The following PRDM16 variants were observed in gnomAD, a reference collection of about 807,000 sequenced individuals.
PRDM16 encodes histone-lysine N-methyltransferase PRDM16.
Under a neutral mutation model 110.6 loss-of-function variants are expected in PRDM16, and 23 were observed. The observed-to-expected ratio is 0.21, with a 90% CI of 0.15 to 0.29. PRDM16 has a LOEUF of 0.29. Ranked by LOEUF, PRDM16 falls within the 10% of genes least tolerant of loss-of-function variation. The probability of loss-of-function intolerance (pLI) is 1.00; values close to 1 mark genes in which losing one functional copy is unlikely to be tolerated. For missense variants in PRDM16, 1,615 were observed against 1,794.3 expected, an observed-to-expected ratio of 0.90 and a Z score of 1.81; for synonymous variants, 799 against 781.8, an observed-to-expected ratio of 1.02 and a Z score of -0.37.
chr1:3,136,424 G>C (rs892438172), intron 1 of PRDM16, among the ~76,000 whole-genome samples: 2 of 152,194 alleles, frequency 1.3e-5, no homozygotes, highest in Non-Finnish European at 2.9e-5. Flanking sequence ...GGCTGAGCTG[G>C]GGCTGGGACC....
intron 1 of PRDM16, among the ~76,000 whole-genome samples, chr1:3,073,760 G>C (rs899640313): frequency 6.6e-6 from 1 of 152,194 alleles, no homozygotes; most frequent in Admixed American, 6.5e-5. Context: ...CAGCGCCCGC[G>C]TCCACACCGC....
At chr1:3,172,285 A>C (rs1193989352) in intron 1 of PRDM16, among the ~76,000 whole-genome samples, 2 of 152,160 alleles carry the variant, frequency 1.3e-5, no homozygotes, top group Admixed American at 1.3e-4. Context: ...CTCCCAAGGT[A>C]CAGAGGCTGG....
chr1:3,108,678 T>C (rs1339197199), intron 1 of PRDM16, among the ~76,000 whole-genome samples: 1 of 152,158 alleles, frequency 6.6e-6, no homozygotes, highest in Non-Finnish European at 1.5e-5. Flanking sequence ...GGGCAGCTGC[T>C]CCAGGTCAAA....
At chr1:3,321,396 G>A (rs1379760319) in intron 3 of PRDM16, among the ~76,000 whole-genome samples, 1 of 151,764 alleles carries the variant, frequency 6.6e-6, no homozygotes, top group Non-Finnish European at 1.5e-5. Context: ...CTCTGTGAGT[G>A]TGTGCATTTG....
Position 3,201,461 on chromosome 1 carries a change from C to T in PRDM16, c.387+14987C>T, listed in dbSNP as rs535149038. On this transcript the variant is annotated intron_variant, in intron 2 of 16. Coordinates refer to ENST00000270722, the MANE Select transcript of PRDM16 (RefSeq NM_022114.4). This position sits in a 1 kb window ranked among gnomAD's most constrained non-coding sequence, Gnocchi z 4.1. Reference sequence around the variant, plus strand: ...CCTGGCCCCACACCAGAGCTCCCACCGCAGGGCCCAGCCTCCTGCTCACTG... The same window carrying T: ...CCTGGCCCCACACCAGAGCTCCCACTGCAGGGCCCAGCCTCCTGCTCACTG... Among the ~76,000 whole-genome samples, 3 of 152,282 alleles carry T rather than the reference C, an allele frequency of 2.0e-5. No homozygotes were observed. Among genetic ancestry groups the T allele is most frequent in the South Asian group, 4.1e-4 (2 of 4,820 alleles).
rs934377004 is a variant in PRDM16 at position 3,412,693 on chromosome 1, G to A, written c.2496G>A (p.Lys832=). 2.0e-6 allele frequency: 3 copies of A among 1,495,422 alleles called. No homozygotes were observed. Among genetic ancestry groups the A allele is most frequent in the Admixed American group, 4.7e-5 (2 of 42,146 alleles). The allele number at this position is 1,495,422 out of a possible 1,614,324, so 92.6% of individuals were successfully genotyped here. A position where few individuals can be genotyped will look rare whatever the true frequency, so the allele number is the denominator to read the frequency against. The change falls in exon 9 of 17, where the codon AAG becomes AAA. Residue 832 remains lysine (K), a synonymous_variant. Transcript: ENST00000270722. ...AGAACCACGTCTATGGGGAACGCAA[G>A]CTGGGCGCCGGCGAGGGGCTGCCCC... ...PRKNHVYGER[K]LGAGEGLPQV... is the part of the protein sequence containing the mutation.
intron 8 of PRDM16, among the ~76,000 whole-genome samples, chr1:3,409,667 G>C (rs2493297): frequency 6.6e-6 from 1 of 151,344 alleles, no homozygotes; most frequent in African/African-American, 2.4e-5. Flanking sequence ...TGGTGTGCGT[G>C]TCTGTGGTGT....
chr1:3,230,151 G>C (rs915218963), intron 2 of PRDM16, among the ~76,000 whole-genome samples: 1 of 152,196 alleles, frequency 6.6e-6, no homozygotes, highest in Non-Finnish European at 1.5e-5. Flanking sequence ...CCAGTGTGCT[G>C]TCTAGCCGAG....
chr1:3,389,583 T>A (rs555062975), intron 4 of PRDM16, among the ~76,000 whole-genome samples: 15 of 152,312 alleles, frequency 9.8e-5, no homozygotes, highest in African/African-American at 3.6e-4. Flanking sequence ...AGAGGCCACA[T>A]TGGGCCATGA....
intron 14 of PRDM16, among the ~76,000 whole-genome samples, chr1:3,429,548 C>T (rs1638709230): frequency 6.6e-6 from 1 of 152,210 alleles, no homozygotes; most frequent in Non-Finnish European, 1.5e-5. Flanking sequence ...GGTATGTCCT[C>T]GTGTCATCGA....
chr1:3,430,922 G>A lies in PRDM16; in HGVS notation c.3335G>A (p.Ser1112Asn). The A allele has an allele frequency of 2.5e-6, 4 of 1,614,192 alleles. No individual in the cohort carries two copies. In the South Asian group the frequency reaches 3.3e-5, roughly 13 times the overall value. ...AGTGCCCAGTGTCCAGGCCTAGCCA[G>A]TGAGAAGCAGGAGGACGTGGAGGAG... ...DGSAQCPGLA[S>N]EKQEDVEEED... Residue 1112 changes from serine to asparagine, a missense_variant, in exon 15 of 17, where the codon AGT (serine) becomes AAT (asparagine). Transcript: ENST00000270722.
chr1:3,180,031 G>A (rs190134076), intron 1 of PRDM16, among the ~76,000 whole-genome samples: 179 of 152,136 alleles, frequency 1.2e-3, no homozygotes, highest in Non-Finnish European at 2.2e-3. Flanking sequence ...TGTCCCTTCC[G>A]TCTCATACTT....
At chr1:3,181,631 CA>C (rs1644194542) in intron 1 of PRDM16, among the ~76,000 whole-genome samples, 2 of 124,514 alleles carry the variant, frequency 1.6e-5, no homozygotes, top group Admixed American at 8.0e-5. Flanking sequence ...CTTACACATG[CA>C]GTCTTACACA....
chr1:3,116,689 G>A (rs896412257), intron 1 of PRDM16, among the ~76,000 whole-genome samples: 2 of 152,280 alleles, frequency 1.3e-5, no homozygotes, highest in Non-Finnish European at 1.5e-5. Context: ...CTGGCCAGAC[G>A]ATGGTCAGGC....
chr1:3,333,833 A>G (rs1390472930), intron 3 of PRDM16, among the ~76,000 whole-genome samples: 2 of 150,864 alleles, frequency 1.3e-5, no homozygotes, highest in Non-Finnish European at 3.0e-5. Context: ...AGAGTCTAGG[A>G]CCTCCCCAGC....
chr1:3,383,610 T>C (rs149157876), intron 3 of PRDM16, among the ~76,000 whole-genome samples: 144 of 152,060 alleles, frequency 9.5e-4, no homozygotes, highest in Middle Eastern at 3.4e-3. Context: ...AGGCCCGAGA[T>C]GGCTAGGAAC....
At chr1:3,137,436 T>A (rs1043324721) in intron 1 of PRDM16, among the ~76,000 whole-genome samples, 12 of 152,232 alleles carry the variant, frequency 7.9e-5, no homozygotes, top group Non-Finnish European at 1.8e-4. Context: ...GGGGACACGA[T>A]GTCCTTTGCA....
At position 3,418,752 on chromosome 1, in the gene PRDM16, C is replaced by T. The variant is rs1391055096; in HGVS notation, c.2939+8C>T. 15 of 1,611,106 alleles carry T rather than the reference C, an allele frequency of 9.3e-6. No homozygotes were observed. Among genetic ancestry groups the T allele is most frequent in the Non-Finnish European group, 1.2e-5 (14 of 1,177,594 alleles). ...TGGGGAGCAGCCGTACAGGTAGGTGCTGCGTGGGCTGGGTGTGGGGGCGGG... is the reference window on the plus strand; with the variant it reads ...TGGGGAGCAGCCGTACAGGTAGGTGTTGCGTGGGCTGGGTGTGGGGGCGGG... On this transcript the variant is annotated splice_region_variant and intron_variant, in intron 12 of 16. Transcript: ENST00000270722.
At chr1:3,203,023 G>A (rs542849993) in intron 2 of PRDM16, among the ~76,000 whole-genome samples, 1 of 152,256 alleles carries the variant, frequency 6.6e-6, no homozygotes, top group South Asian at 2.1e-4. Context: ...CCCCCAGCCT[G>A]GAAGCTGTGT....
Sources: gnomAD v4.1 joint callset for allele counts (sites outside exome capture counted in the v4.1 genomes callset) on GRCh38, gnomAD v4.1.1 for gene constraint, Gnocchi (gnomAD v3.1) non-coding constraint, MANE v1.5 for transcripts, NCBI Gene and HGNC (gene_info 2026-07-23, HGNC 2026-07-21) for gene names.